The following RSRC1 variants were observed in gnomAD, a reference collection of about 807,000 sequenced individuals.
The protein encoded by RSRC1 is arginine and serine rich coiled-coil 1, also known as serine/Arginine-related protein 53.
RSRC1 carries 39 observed loss-of-function variants against 49.1 expected under a neutral mutation model. The ratio of observed to expected loss-of-function variants is 0.79; its 90% CI spans 0.61 to 1.04. RSRC1 has a LOEUF of 1.04. Ranked by LOEUF, RSRC1 falls within the 50% of genes least tolerant of loss-of-function variation. The pLI is 0.00. For synonymous variants in RSRC1, 143 were observed against 130.8 expected, an observed-to-expected ratio of 1.09 and a Z score of -0.63; for missense variants, 388 against 402.4, an observed-to-expected ratio of 0.96 and a Z score of 0.31.
intron 5 of RSRC1, among the ~76,000 whole-genome samples, chr3:158,332,012 T>C (rs1431872126): frequency 6.6e-6 from 1 of 152,024 alleles, no homozygotes; most frequent in African/African-American, 2.4e-5. Context: ...AAAGTAGAAC[T>C]TAATTTATGT....
chr3:158,457,745 T>TTG (rs1316159387), intron 6 of RSRC1, among the ~76,000 whole-genome samples: 2 of 138,968 alleles, frequency 1.4e-5, no homozygotes, highest in East Asian at 3.9e-4. Flanking sequence ...TTTTTGTTTT[T>TTG]TTTTTTTGTT....
Position 158,291,964 on chromosome 3 carries a change from T to G in RSRC1, c.495-6075T>G, listed in dbSNP as rs148451253. On this transcript the variant is annotated intron_variant, in intron 4 of 9. Coordinates refer to ENST00000611884, the MANE Select transcript of RSRC1 (RefSeq NM_001271838.2). ...TTTCTTTTGGAAAAATAATGAAATT[T>G]GTTTGTAACAAAGGGAAAGTAATAC... Among the ~76,000 whole-genome samples the G allele has an allele frequency of 1.7e-3, 257 of 152,356 alleles. 4 individuals carry two copies. The highest frequency in any genetic ancestry group is 5.9e-3 in the African/African-American group (247 of 41,592).
chr3:158,286,193 G>T (rs1329701034), intron 4 of RSRC1, among the ~76,000 whole-genome samples: 1 of 152,150 alleles, frequency 6.6e-6, no homozygotes, highest in East Asian at 1.9e-4. Context: ...CAATTAAGGA[G>T]TAAAGGAATG....
intron 6 of RSRC1, among the ~76,000 whole-genome samples, chr3:158,431,009 T>A (rs1309954719): frequency 6.6e-6 from 1 of 151,930 alleles, no homozygotes; most frequent in East Asian, 1.9e-4. Context: ...TATTGTAGAT[T>A]CTGATGAGTT....
At chr3:158,396,325 C>T (rs1398180899) in intron 6 of RSRC1, among the ~76,000 whole-genome samples, 1 of 151,658 alleles carries the variant, frequency 6.6e-6, no homozygotes, top group Admixed American at 6.6e-5. Flanking sequence ...TAGACACGTA[C>T]CCCTGAACCT....
At chr3:158,394,100 A>G (rs1292420530) in intron 6 of RSRC1, among the ~76,000 whole-genome samples, 2 of 152,208 alleles carry the variant, frequency 1.3e-5, no homozygotes, top group South Asian at 2.1e-4. Flanking sequence ...GATAAATTCA[A>G]CATCCCTGCA....
intron 7 of RSRC1, among the ~76,000 whole-genome samples, chr3:158,524,152 C>A (rs546974238): frequency 6.6e-6 from 1 of 152,180 alleles, no homozygotes; most frequent in South Asian, 2.1e-4. Context: ...CTGGGCACAA[C>A]ATTTTTGGCA....
intron 5 of RSRC1, among the ~76,000 whole-genome samples, chr3:158,341,117 G>C (rs1158915287): frequency 6.6e-6 from 1 of 152,076 alleles, no homozygotes; most frequent in Non-Finnish European, 1.5e-5. Context: ...AAGAGAAACA[G>C]AGCATAAAAG....
intron 4 of RSRC1, among the ~76,000 whole-genome samples, chr3:158,249,759 G>C (rs745440404): frequency 6.6e-6 from 1 of 152,004 alleles, no homozygotes; most frequent in Non-Finnish European, 1.5e-5. Flanking sequence ...TATATAAAGC[G>C]TAATAATCAC....
At chr3:158,361,257 C>T (rs1731453568) in intron 6 of RSRC1, among the ~76,000 whole-genome samples, 1 of 152,176 alleles carries the variant, frequency 6.6e-6, no homozygotes, top group Non-Finnish European at 1.5e-5. Context: ...CTCAGCAGGA[C>T]GGCTGTGTTG....
chr3:158,303,921 GAAAT>G (rs897351265), intron 5 of RSRC1, among the ~76,000 whole-genome samples: 9 of 152,136 alleles, frequency 5.9e-5, no homozygotes, highest in African/African-American at 1.9e-4. Flanking sequence ...CTTTAAGTGG[GAAAT>G]TAAATGAATG....
chr3:158,268,002 G>C (rs1013510018), intron 4 of RSRC1, among the ~76,000 whole-genome samples: 1 of 151,712 alleles, frequency 6.6e-6, no homozygotes, highest in African/African-American at 2.4e-5. Flanking sequence ...TATAGGTACT[G>C]TCTAATATTT....
chr3:158,537,837 C>T (rs935322644), intron 8 of RSRC1, among the ~76,000 whole-genome samples: 2 of 151,660 alleles, frequency 1.3e-5, no homozygotes, highest in Non-Finnish European at 3.0e-5. Context: ...TATTCTACAT[C>T]CATAAATTGT....
chr3:158,370,498 G>T (rs1221791382), intron 6 of RSRC1, among the ~76,000 whole-genome samples: 1 of 151,860 alleles, frequency 6.6e-6, no homozygotes, highest in Non-Finnish European at 1.5e-5. Context: ...TGTTGTAAAT[G>T]GAATCATATA....
intron 6 of RSRC1, among the ~76,000 whole-genome samples, chr3:158,355,128 T>G (rs1731089249): frequency 6.6e-6 from 1 of 152,050 alleles, no homozygotes; most frequent in Admixed American, 6.6e-5. Flanking sequence ...TACCTTTTCA[T>G]TTATAAAATT....
chr3:158,240,221 T>G (rs975957244), intron 4 of RSRC1, among the ~76,000 whole-genome samples: 2 of 152,190 alleles, frequency 1.3e-5, no homozygotes, highest in East Asian at 3.8e-4. Flanking sequence ...GTTTTGGATT[T>G]GAATGGGAAT....
intron 5 of RSRC1, among the ~76,000 whole-genome samples, chr3:158,312,201 G>A (rs1728168328): frequency 6.6e-6 from 1 of 151,088 alleles, no homozygotes; most frequent in African/African-American, 2.5e-5. Flanking sequence ...CTACTCTGGT[G>A]AGAAAAGCTG....
intron 6 of RSRC1, among the ~76,000 whole-genome samples, chr3:158,389,621 T>A (rs2108292254): frequency 6.6e-6 from 1 of 152,268 alleles, no homozygotes; most frequent in Admixed American, 6.5e-5. Flanking sequence ...CAAAGAAAAA[T>A]ATAATACTCT....
chr3:158,180,412 T>G, intron 3 of RSRC1, among the ~76,000 whole-genome samples: 2 of 39,550 alleles, frequency 5.1e-5, no homozygotes, highest in African/African-American at 2.5e-4. Context: ...TTTTTTTTTT[T>G]TTTTGCCGTG....
Sources: gnomAD v4.1 joint callset for allele counts (sites outside exome capture counted in the v4.1 genomes callset) on GRCh38, gnomAD v4.1.1 for gene constraint, MANE v1.5 for transcripts, NCBI Gene and HGNC (gene_info 2026-07-23, HGNC 2026-07-21) for gene names.